SGMS2: variants seen among roughly 807,000 people sequenced by gnomAD.
The protein encoded by SGMS2 is phosphatidylcholine:ceramide cholinephosphotransferase 2.
A neutral mutation model predicts 43.8 loss-of-function variants in SGMS2; 21 were observed. That is an observed-to-expected ratio of 0.48 (90% CI 0.34 to 0.69). SGMS2 has a LOEUF of 0.69. Among genes scored for constraint, SGMS2 ranks in the 30% least tolerant of loss-of-function variants. SGMS2 has a pLI of 0.01. For synonymous variants in SGMS2, 167 were observed against 160.6 expected (o/e 1.04, Z -0.30); for missense variants, 384 against 443.2 (o/e 0.87, Z 1.20).
intron 2 of SGMS2, among the ~76,000 whole-genome samples, chr4:107,889,979 G>A (rs1034209913): frequency 1.3e-5 from 2 of 152,126 alleles, no homozygotes; most frequent in African/African-American, 2.4e-5. Flanking sequence ...TTCCAAAAAG[G>A]GAGAATTTTT....
intron 5 of SGMS2, among the ~76,000 whole-genome samples, chr4:107,906,952 G>A (rs1731628374): frequency 2.0e-5 from 3 of 152,138 alleles, no homozygotes; most frequent in South Asian, 4.1e-4. Context: ...GGTGGGAGGC[G>A]GGTAGGGTCT....
intron 1 of SGMS2, among the ~76,000 whole-genome samples, chr4:107,841,190 A>C (rs978513492): frequency 6.6e-6 from 1 of 152,220 alleles, no homozygotes; most frequent in Admixed American, 6.5e-5. Flanking sequence ...TGTAGTTGTT[A>C]ACCCAAACCA....
chr4:107,842,875 CT>C (rs910457789), intron 1 of SGMS2, among the ~76,000 whole-genome samples: 2 of 152,062 alleles, frequency 1.3e-5, no homozygotes, highest in African/African-American at 4.8e-5. Flanking sequence ...AGCAAATTCC[CT>C]TTAGTAGGGG....
At chr4:107,899,964 G>T (rs913926560) in intron 4 of SGMS2, among the ~76,000 whole-genome samples, 2 of 152,012 alleles carry the variant, frequency 1.3e-5, no homozygotes, top group African/African-American at 4.8e-5. Flanking sequence ...ATTCATTAAT[G>T]CTTTCATTCT....
chr4:107,858,583 C>T (rs556321743), intron 2 of SGMS2, 30 bp downstream of exon 2: 1 of 152,374 alleles, frequency 6.6e-6, no homozygotes, highest in Non-Finnish European at 1.5e-5. Flanking sequence ...CATCTGGAAA[C>T]AGTAGGTTTG....
At position 107,910,342 on chromosome 4, in the gene SGMS2, A is replaced by G. The variant is rs1337448004; in HGVS notation, c.895-8A>G. ...TGTCTCATTTAAATTTTTTTCTACC[A>G]TTTACAGAACTTGAAGGTCTCTTCA... On this transcript the variant is annotated splice_polypyrimidine_tract_variant and splice_region_variant and intron_variant, in intron 6 of 6. Transcript: ENST00000690982. 2 of 1,610,450 alleles carry G rather than the reference A, an allele frequency of 1.2e-6. No individual in the cohort carries two copies. The highest frequency in any genetic ancestry group is 2.2e-5 in the East Asian group (1 of 44,862).
intron 1 of SGMS2, among the ~76,000 whole-genome samples, chr4:107,832,425 A>G (rs1250437959): frequency 6.6e-6 from 1 of 152,176 alleles, no homozygotes; most frequent in East Asian, 1.9e-4. Flanking sequence ...ACTGTTACTC[A>G]TTTACTCCTA....
chr4:107,826,871 C>T (rs1725622737), intron 1 of SGMS2, among the ~76,000 whole-genome samples: 1 of 152,202 alleles, frequency 6.6e-6, no homozygotes, highest in African/African-American at 2.4e-5. Flanking sequence ...TTTGCTCTTA[C>T]CATAACTATA....
At chr4:107,838,495 G>A (rs1726322510) in intron 1 of SGMS2, among the ~76,000 whole-genome samples, 1 of 151,996 alleles carries the variant, frequency 6.6e-6, no homozygotes, top group African/African-American at 2.4e-5. Context: ...TGCATTTACA[G>A]GAAGTTACAA....
chr4:107,856,760 G>C (rs1445659466), intron 1 of SGMS2, among the ~76,000 whole-genome samples: 14 of 152,248 alleles, frequency 9.2e-5, no homozygotes, highest in African/African-American at 3.4e-4. Context: ...ATGGGGTCTA[G>C]TAATGCTTAC....
chr4:107,855,680 T>C (rs1450228056), intron 1 of SGMS2, among the ~76,000 whole-genome samples: 1 of 152,196 alleles, frequency 6.6e-6, no homozygotes, highest in Non-Finnish European at 1.5e-5. Context: ...TGAAATGTTG[T>C]GTAAATGTCT....
At chr4:107,883,588 T>G (rs1162255210) in intron 2 of SGMS2, among the ~76,000 whole-genome samples, 6 of 152,238 alleles carry the variant, frequency 3.9e-5, no homozygotes, top group African/African-American at 1.4e-4. Context: ...TCTTCTTATA[T>G]GGTATTTATA....
chr4:107,849,024 A>AT (rs369034722), intron 1 of SGMS2, among the ~76,000 whole-genome samples: 196 of 151,240 alleles, frequency 1.3e-3, no homozygotes, highest in African/African-American at 4.2e-3. Flanking sequence ...ATCTAGATTC[A>AT]TTTTTTTTTA....
intron 1 of SGMS2, among the ~76,000 whole-genome samples, chr4:107,839,866 T>G (rs1726400733): frequency 6.6e-6 from 1 of 152,180 alleles, no homozygotes; most frequent in African/African-American, 2.4e-5. Flanking sequence ...TGATTTCTAT[T>G]TCTTGAACTC....
chr4:107,890,394 G>T (rs922179624), intron 2 of SGMS2, among the ~76,000 whole-genome samples: 1 of 152,080 alleles, frequency 6.6e-6, no homozygotes, highest in Admixed American at 6.6e-5. Flanking sequence ...AAAAACGGGC[G>T]CTAGGCATGG....
At chr4:107,904,891 T>C (rs9307315) in intron 5 of SGMS2, among the ~76,000 whole-genome samples, 8,525 of 152,222 alleles carry the variant, frequency 0.056, 361 homozygotes, top group African/African-American at 0.1. Flanking sequence ...CATTTTCTAG[T>C]GTAGATGTAC....
At chr4:107,886,364 ATTTTTTTTTTTTTT>A (rs67228519) in intron 2 of SGMS2, among the ~76,000 whole-genome samples, 1 of 106,268 alleles carries the variant, frequency 9.4e-6, no homozygotes, top group Non-Finnish European at 1.8e-5. Context: ...CACCCAGCTA[ATTTTTTTTTTTTTT>A]TTTTTTTTTT....
chr4:107,894,449 A>G (rs998874090), intron 2 of SGMS2: 4 of 152,306 alleles, frequency 2.6e-5, no homozygotes, highest in African/African-American at 9.6e-5. Flanking sequence ...CTGAAGCCAA[A>G]GGTAGTTATC....
chr4:107,909,223 A>G (rs1472997434), intron 6 of SGMS2, among the ~76,000 whole-genome samples: 3 of 151,708 alleles, frequency 2.0e-5, no homozygotes, highest in Admixed American at 2.0e-4. Flanking sequence ...CTTGTGCCTC[A>G]GCCTCCCAAA....
Sources: allele counts gnomAD v4.1 joint callset (sites outside exome capture counted in the v4.1 genomes callset), GRCh38; gene constraint gnomAD v4.1.1; transcripts MANE v1.5; gene names NCBI Gene and HGNC (gene_info 2026-07-23, HGNC 2026-07-21).